The following IQCM variants were observed in gnomAD, a reference collection of about 807,000 sequenced individuals.
IQCM encodes IQ domain-containing protein M.
In IQCM, 45 loss-of-function variants were observed where a neutral mutation model predicts 57.6. The observed-to-expected ratio is 0.78, with a 90% CI of 0.62 to 1.00. The LOEUF is 1.00. Ranked by LOEUF, IQCM falls within the 50% of genes least tolerant of loss-of-function variation. The pLI is 0.00. For synonymous variants in IQCM, 148 were observed against 158.9 expected, an observed-to-expected ratio of 0.93 and a Z score of 0.51; for missense variants, 468 against 511.6, an observed-to-expected ratio of 0.91 and a Z score of 0.82.
chr4:149,358,527 T>G (rs2110899389), intron 13 of IQCM, among the ~76,000 whole-genome samples: 1 of 152,302 alleles, frequency 6.6e-6, no homozygotes, highest in Non-Finnish European at 1.5e-5. Flanking sequence ...CAGGAGCAGG[T>G]TGTTCAGTTT....
intron 8 of IQCM, among the ~76,000 whole-genome samples, chr4:149,594,056 G>T (rs1379168349): frequency 2.6e-5 from 4 of 152,074 alleles, no homozygotes; most frequent in Non-Finnish European, 5.9e-5. Context: ...TTGTACCTCT[G>T]GTAGAATTTG....
intron 2 of IQCM, among the ~76,000 whole-genome samples, chr4:149,762,483 A>C (rs1769622413): frequency 6.6e-6 from 1 of 152,014 alleles, no homozygotes; most frequent in Admixed American, 6.6e-5. Context: ...TTTTAAAGTA[A>C]TGAACAGAAC....
chr4:149,537,132 T>C (rs368394521), intron 12 of IQCM, among the ~76,000 whole-genome samples: 1 of 152,076 alleles, frequency 6.6e-6, no homozygotes, highest in African/African-American at 2.4e-5. Context: ...TGACTCTGAA[T>C]GAACTCAGAG....
chr4:149,738,897 C>T (rs946261341), intron 3 of IQCM, among the ~76,000 whole-genome samples: 3 of 152,128 alleles, frequency 2.0e-5, no homozygotes, highest in Non-Finnish European at 4.4e-5. Context: ...AAAGACAATG[C>T]TAGCATCATT....
intron 13 of IQCM, among the ~76,000 whole-genome samples, chr4:149,381,128 C>T (rs1246678436): frequency 1.3e-5 from 2 of 152,200 alleles, no homozygotes; most frequent in East Asian, 1.9e-4. Flanking sequence ...TTTTTTCTCA[C>T]ATAACTGTAT....
At chr4:149,740,584 C>T (rs6823977) in intron 3 of IQCM, among the ~76,000 whole-genome samples, 15,343 of 152,062 alleles carry the variant, frequency 0.1, 1,296 homozygotes, top group African/African-American at 0.23. Flanking sequence ...AACAGAAATA[C>T]TCCAAGAGAA....
chr4:149,451,691 T>A (rs1423395341), intron 12 of IQCM, among the ~76,000 whole-genome samples: 1 of 151,802 alleles, frequency 6.6e-6, no homozygotes, highest in Non-Finnish European at 1.5e-5. Context: ...CAAAATCTAA[T>A]AGCTTTTTTC....
intron 7 of IQCM, among the ~76,000 whole-genome samples, chr4:149,623,149 A>G (rs184090046): frequency 2.8e-4 from 43 of 152,300 alleles, no homozygotes; most frequent in African/African-American, 9.9e-4. Flanking sequence ...GAATGTGTAC[A>G]CTTATTTGTT....
At chr4:149,406,682 T>C (rs1049794437) in intron 13 of IQCM, among the ~76,000 whole-genome samples, 1 of 152,136 alleles carries the variant, frequency 6.6e-6, no homozygotes, top group African/African-American at 2.4e-5. Context: ...ACAAACTGAA[T>C]TATTTATTGA....
intron 13 of IQCM, among the ~76,000 whole-genome samples, chr4:149,359,850 C>G (rs907933702): frequency 2.0e-5 from 3 of 152,034 alleles, no homozygotes; most frequent in Admixed American, 6.6e-5. Flanking sequence ...GGAAAGAAAA[C>G]AAACACAGAT....
At chr4:149,581,147 A>C (rs1752140141) in intron 9 of IQCM, among the ~76,000 whole-genome samples, 2 of 151,672 alleles carry the variant, frequency 1.3e-5, no homozygotes, top group Admixed American at 6.6e-5. Flanking sequence ...TTTAAATAGT[A>C]TGTCATGGCA....
chr4:149,382,666 A>G (rs978910084), intron 13 of IQCM, among the ~76,000 whole-genome samples: 3 of 152,138 alleles, frequency 2.0e-5, no homozygotes, highest in Admixed American at 6.6e-5. Context: ...TCTCAGATAA[A>G]AACACAATGT....
At chr4:149,437,156 T>C (rs1006348369) in intron 12 of IQCM, among the ~76,000 whole-genome samples, 1 of 152,120 alleles carries the variant, frequency 6.6e-6, no homozygotes, top group African/African-American at 2.4e-5. Flanking sequence ...TTTTAACCAA[T>C]GGTTCCTGGT....
intron 12 of IQCM, among the ~76,000 whole-genome samples, chr4:149,457,637 TA>T (rs1392016045): frequency 6.6e-6 from 1 of 152,008 alleles, no homozygotes; most frequent in Non-Finnish European, 1.5e-5. Flanking sequence ...AGCTGAAGGA[TA>T]AAATGATACA....
intron 7 of IQCM, among the ~76,000 whole-genome samples, chr4:149,624,773 G>A (rs1756653509): frequency 6.6e-6 from 1 of 152,140 alleles, no homozygotes; most frequent in African/African-American, 2.4e-5. Context: ...TACTGTTTTG[G>A]TCAACTTAGA....
intron 12 of IQCM, among the ~76,000 whole-genome samples, chr4:149,482,702 C>T (rs959310000): frequency 2.7e-5 from 4 of 150,908 alleles, no homozygotes; most frequent in Non-Finnish European, 5.9e-5. Flanking sequence ...AGGATTTTTG[C>T]ATCAATATTC....
At chr4:149,796,176 C>T (rs1041667324) in intron 2 of IQCM, among the ~76,000 whole-genome samples, 1 of 152,154 alleles carries the variant, frequency 6.6e-6, no homozygotes. Flanking sequence ...CAGAGGGGAG[C>T]CCACTCCCTT....
chr4:149,546,417 C>G (rs1417897738), intron 12 of IQCM, among the ~76,000 whole-genome samples: 1 of 152,164 alleles, frequency 6.6e-6, no homozygotes. Context: ...AATGGTTGAA[C>G]TAGTTTACAG....
chr4:149,391,549 T>A (rs1425028595), intron 13 of IQCM, among the ~76,000 whole-genome samples: 1 of 151,938 alleles, frequency 6.6e-6, no homozygotes, highest in African/African-American at 2.4e-5. Flanking sequence ...GAGTATAGTT[T>A]GCTCTTCTAC....
Sources: gnomAD v4.1 joint callset for allele counts (sites outside exome capture counted in the v4.1 genomes callset) on GRCh38, gnomAD v4.1.1 for gene constraint, MANE v1.5 for transcripts, NCBI Gene and HGNC (gene_info 2026-07-23, HGNC 2026-07-21) for gene names.